Variants in MND1 observed in about 807,000 individuals in gnomAD.
The protein encoded by MND1 is meiotic nuclear division protein 1 homolog.
In MND1, 28 loss-of-function variants were observed where a neutral mutation model predicts 35.1. The ratio of observed to expected loss-of-function variants is 0.80; its 90% CI spans 0.59 to 1.09. MND1 has a LOEUF of 1.09. MND1 is among the 50% of genes least tolerant of loss of function. MND1 has a pLI of 0.00. For missense variants in MND1, 213 were observed against 239.6 expected (o/e 0.89, Z 0.73); for synonymous variants, 69 against 70.5 (o/e 0.98, Z 0.11).
chr4:153,404,015 A>G (rs71620255), intron 6 of MND1, among the ~76,000 whole-genome samples: 12,844 of 152,182 alleles, frequency 0.084, 689 homozygotes, highest in Non-Finnish European at 0.12. Context: ...AGATTGCAAG[A>G]CATACAAAGA....
At chr4:153,410,607 G>A (rs530927711) in intron 7 of MND1, among the ~76,000 whole-genome samples, 1 of 152,216 alleles carries the variant, frequency 6.6e-6, no homozygotes, top group South Asian at 2.1e-4. Context: ...TAATGAAATT[G>A]CAGTCTTACT....
At chr4:153,353,823 G>A (rs540249697) in intron 2 of MND1, among the ~76,000 whole-genome samples, 2 of 152,082 alleles carry the variant, frequency 1.3e-5, no homozygotes, top group South Asian at 4.2e-4. Flanking sequence ...AGGTTCAAGC[G>A]ATTCTCGTGC....
At chr4:153,405,265 T>C (rs1024306225) in intron 6 of MND1, among the ~76,000 whole-genome samples, 2 of 152,092 alleles carry the variant, frequency 1.3e-5, no homozygotes, top group African/African-American at 4.8e-5. Flanking sequence ...CAAGACAGTA[T>C]GGTAGTGGTA....
At chr4:153,384,179 A>T (rs1728784189) in intron 4 of MND1, among the ~76,000 whole-genome samples, 2 of 150,074 alleles carry the variant, frequency 1.3e-5, no homozygotes, top group Non-Finnish European at 3.0e-5. Context: ...AATATTTTTA[A>T]TCCTTCCTAG....
intron 4 of MND1, among the ~76,000 whole-genome samples, chr4:153,370,155 G>A (rs1399812649): frequency 6.6e-6 from 1 of 151,828 alleles, no homozygotes; most frequent in Non-Finnish European, 1.5e-5. Context: ...GGTGGCATAC[G>A]CCTGGAATCC....
chr4:153,372,892 C>T (rs1298613828), intron 4 of MND1, among the ~76,000 whole-genome samples: 1 of 152,104 alleles, frequency 6.6e-6, no homozygotes, highest in Non-Finnish European at 1.5e-5. Context: ...AATGCATAGA[C>T]ATTAAGGATT....
intron 4 of MND1, 94 bp from the exon 5 acceptor site, chr4:153,394,168 G>A (rs1729133620): frequency 1.9e-6 from 2 of 1,074,600 alleles, no homozygotes; most frequent in South Asian, 2.6e-5. Flanking sequence ...GAGTGCTGGG[G>A]CGTGAGCCAC....
chr4:153,344,869 T>G, intron 1 of MND1, 129 bp downstream of exon 1: 1 of 1,462,820 alleles, frequency 6.8e-7, no homozygotes, highest in Non-Finnish European at 9.2e-7. Flanking sequence ...GTCGCCCGGC[T>G]CTCGGCCTCA....
intron 5 of MND1, 122 bp from the exon 6 acceptor site, chr4:153,397,097 A>C: frequency 3.3e-6 from 2 of 599,804 alleles, no homozygotes; most frequent in South Asian, 5.1e-5. Context: ...TATATATATA[A>C]TGTCAAAAGT....
chr4:153,380,080 G>A (rs1728630184), intron 4 of MND1, among the ~76,000 whole-genome samples: 1 of 318 alleles, frequency 3.1e-3, no homozygotes, highest in South Asian at 0.12. Flanking sequence ...TAAATGGTCT[G>A]TGGTATCATT....
intron 3 of MND1, among the ~76,000 whole-genome samples, chr4:153,356,926 G>A (rs1327495286): frequency 2.6e-5 from 4 of 152,182 alleles, no homozygotes; most frequent in African/African-American, 7.2e-5. Context: ...GGGTTCAAGC[G>A]ATTCTCCTGC....
intron 6 of MND1, among the ~76,000 whole-genome samples, chr4:153,404,649 T>C (rs892475159): frequency 2.6e-4 from 39 of 151,694 alleles, no homozygotes; most frequent in African/African-American, 8.7e-4. Context: ...TAATTTTTTT[T>C]TGCATTTTTA....
rs564202970 is a variant in MND1 at position 153,350,192 on chromosome 4, A to C, written c.69+63A>C. Reference sequence around the variant, plus strand: ...TTTTCATCTTAAGTATATGTCATCCAATGTTAACTGTCCCCTCTTTGTTAA... The same window carrying C: ...TTTTCATCTTAAGTATATGTCATCCCATGTTAACTGTCCCCTCTTTGTTAA... On this transcript the variant is annotated intron_variant, in intron 2 of 7. Coordinates refer to ENST00000240488, the MANE Select transcript of MND1 (RefSeq NM_032117.4). 2.8e-4 allele frequency: 323 copies of C among 1,135,892 alleles called. 3 individuals carry two copies. The South Asian group carries it at 4.2e-3, about 15-fold the overall frequency. 70.4% of individuals were successfully genotyped at this position (1,135,892 alleles called of 1,614,324 possible). A position where few individuals can be genotyped will look rare whatever the true frequency, so the allele number is the denominator to read the frequency against.
intron 4 of MND1, among the ~76,000 whole-genome samples, chr4:153,373,914 T>C (rs759568402): frequency 6.6e-6 from 1 of 152,222 alleles, no homozygotes; most frequent in Non-Finnish European, 1.5e-5. Context: ...AGTATCACCC[T>C]GTGCCCCTCA....
rs561004288 is a variant in MND1 at position 153,384,443 on chromosome 4, A to ATTTTTTTTTTTTTTTT, written c.277-9805_277-9790dup. Among the ~76,000 whole-genome samples, 112 of 63,188 alleles carry ATTTTTTTTTTTTTTTT rather than the reference A, an allele frequency of 1.8e-3. 6 individuals carry two copies. The highest frequency in any genetic ancestry group is 2.9e-3 in the East Asian group (5 of 1,700). The allele number at this position is 63,188 out of a possible 152,430, so 41.5% of individuals were successfully genotyped here. A position where few individuals can be genotyped will look rare whatever the true frequency, so the allele number is the denominator to read the frequency against. The stretch of plus-strand genomic sequence containing the variant: ...TGCCACCATGCCCAGCTAATGTTTA[A>ATTTTTTTTTTTTTTTT]TTTTTTTTTTTTTTTTTTTTTTTTT... On this transcript the variant is annotated intron_variant, in intron 4 of 7. Transcript: ENST00000240488.
chr4:153,388,803 G>A (rs952002833), intron 4 of MND1, among the ~76,000 whole-genome samples: 7 of 152,072 alleles, frequency 4.6e-5, no homozygotes, highest in African/African-American at 1.2e-4. Flanking sequence ...GGCGGTTCCC[G>A]AGCTCTTATT....
At chr4:153,372,826 T>G (rs1409668011) in intron 4 of MND1, among the ~76,000 whole-genome samples, 1 of 152,208 alleles carries the variant, frequency 6.6e-6, no homozygotes, top group East Asian at 1.9e-4. Flanking sequence ...GGAATTTCAG[T>G]GTATGAATAT....
At chr4:153,371,807 C>T (rs531903385) in intron 4 of MND1, among the ~76,000 whole-genome samples, 1 of 152,206 alleles carries the variant, frequency 6.6e-6, no homozygotes, top group Non-Finnish European at 1.5e-5. Flanking sequence ...CAACTTGGCT[C>T]TTTGGCACAA....
At chr4:153,363,426 G>A (rs1472766860) in intron 4 of MND1, among the ~76,000 whole-genome samples, 2 of 152,096 alleles carry the variant, frequency 1.3e-5, no homozygotes, top group African/African-American at 4.8e-5. Flanking sequence ...TAGCCAGGCT[G>A]GTCTCGAACT....
Sources: allele counts gnomAD v4.1 joint callset (sites outside exome capture counted in the v4.1 genomes callset), GRCh38; gene constraint gnomAD v4.1.1; transcripts MANE v1.5; gene names NCBI Gene and HGNC (gene_info 2026-07-23, HGNC 2026-07-21).